The following GBP6 variants were observed in gnomAD, a reference collection of about 807,000 sequenced individuals.
GBP6 encodes guanylate-binding protein 6.
In GBP6, 54 loss-of-function variants were observed where a neutral mutation model predicts 61.5. The observed-to-expected ratio is 0.88, with a 90% CI of 0.71 to 1.10. The LOEUF is 1.10. GBP6 is among the 50% of genes least tolerant of loss of function. GBP6 has a pLI of 0.00. For missense variants in GBP6, 748 were observed against 752.8 expected (o/e 0.99, Z 0.07); for synonymous variants, 255 against 273.7 (o/e 0.93, Z 0.67).
chr1:89,377,266 C>G (rs1414538061), intron 3 of GBP6, among the ~76,000 whole-genome samples: 1 of 152,194 alleles, frequency 6.6e-6, no homozygotes, highest in Non-Finnish European at 1.5e-5. Context: ...TCTGCACTTA[C>G]CCTCTGCTCA....
rs1300466741 is a variant in GBP6 at position 89,386,498 on chromosome 1, C to T, written c.*1029C>T. 1 of 152,192 alleles carries T rather than the reference C, an allele frequency of 6.6e-6. No homozygotes were observed. The highest frequency in any genetic ancestry group is 1.9e-4 in the East Asian group (1 of 5,198). 9.4% of individuals were successfully genotyped at this position (152,192 alleles called of 1,614,324 possible). ...TCCTTGTTGCTTCTAGGAATTACAT[C>T]AGCCAGCCCAATGAGGGGTCTAAGA... On this transcript the variant is annotated 3_prime_UTR_variant, in exon 11 of 11. Transcript: ENST00000370456.
intron 3 of GBP6, among the ~76,000 whole-genome samples, chr1:89,375,719 G>A (rs1033653771): frequency 3.9e-5 from 6 of 151,974 alleles, no homozygotes; most frequent in East Asian, 1.9e-4. Flanking sequence ...TTTTCACTCC[G>A]CTGATTGTTT....
In GBP6 at chr1:89,382,679, A is replaced by T. The variant is rs1653011927; in HGVS notation, c.1168A>T (p.Lys390Ter). The T allele has an allele frequency of 6.2e-7, 1 of 1,613,894 alleles. No individual in the cohort carries two copies. The highest frequency in any genetic ancestry group is 1.1e-5 in the South Asian group (1 of 91,074). Residue 390 changes from lysine (K) to a stop codon, truncating the protein, a stop_gained, in exon 8 of 11, where the codon AAG (lysine) becomes TAG (stop). Coordinates refer to ENST00000370456, the MANE Select transcript of GBP6 (RefSeq NM_198460.3). LOFTEE classifies it high-confidence loss of function. Reference protein sequence around the residue: ...QKKFMETTMNKKGDFLLQNEE... With the variant: ...QKKFMETTMN ...TCCCTTGCAGGAAACCACAATGAAT[A>T]AGAAGGGGGATTTCTTGCTGCAGAA... is the stretch of plus-strand genomic sequence containing the variant.
In GBP6 at chr1:89,366,262, A is replaced by G. The variant is rs115474923; in HGVS notation, c.-24+2135A>G. Among the ~76,000 whole-genome samples the G allele has an allele frequency of 8.6e-3, 1,311 of 152,248 alleles. 19 individuals carry two copies. The highest frequency in any genetic ancestry group is 0.03 in the African/African-American group (1,243 of 41,546). On this transcript the variant is annotated intron_variant, in intron 1 of 10. Transcript: ENST00000370456. ...CAATATTATATGTATTGTTATTCTT[A>G]TTCTTTTTCTTATTCTTGTCTGTGG... is the stretch of plus-strand genomic sequence containing the variant.
intron 9 of GBP6, 78 bp downstream of exon 9, chr1:89,383,832 C>T: frequency 8.8e-7 from 1 of 1,138,704 alleles, no homozygotes; most frequent in South Asian, 1.4e-5. Context: ...GGAAAACCTT[C>T]CCAAAATGAG....
rs1653015990 is a variant in GBP6, at chr1:89,382,767, A to C, written c.1256A>C (p.Glu419Ala). The change falls in exon 8 of 11, where the codon GAA (glutamate) becomes GCA (alanine). Residue 419 changes from glutamate (E) to alanine (A), a missense_variant. By Grantham distance (107) the Glu-to-Ala change is moderately radical. Coordinates refer to ENST00000370456, the MANE Select transcript of GBP6 (RefSeq NM_198460.3). ...AATGAGCTCTCAAAGGGACTAATGG[A>C]AAGTATCTCAGCAGGAAGTTTCTCT... ...KLNELSKGLM[E>A]SISAGSFSVP... The C allele has an allele frequency of 6.2e-7, 1 of 1,613,952 alleles. No individual in the cohort carries two copies. The highest frequency in any genetic ancestry group is 1.3e-5 in the African/African-American group (1 of 74,942).
In GBP6 at chr1:89,382,700, C is replaced by T. The variant is rs1313945579; in HGVS notation, c.1189C>T (p.Gln397Ter). The part of the protein sequence containing the change: ...TMNKKGDFLL[Q>*]NEESSVQYCQ... Reference sequence around the variant, plus strand: ...GAATAAGAAGGGGGATTTCTTGCTGCAGAATGAAGAGTCATCTGTTCAATA... The same window carrying T: ...GAATAAGAAGGGGGATTTCTTGCTGTAGAATGAAGAGTCATCTGTTCAATA... The change falls in exon 8 of 11, where the codon CAG (glutamine) becomes TAG (stop). Residue 397 changes from glutamine (Q) to a stop codon, truncating the protein, a stop_gained. Coordinates refer to ENST00000370456, the MANE Select transcript of GBP6 (RefSeq NM_198460.3). LOFTEE classifies it high-confidence loss of function. 3.1e-6 allele frequency: 5 copies of T among 1,614,086 alleles called. No homozygotes were observed. The highest frequency in any genetic ancestry group is 3.4e-6 in the Non-Finnish European group (4 of 1,179,980).
At chr1:89,374,234 G>A (rs936197606) in intron 3 of GBP6, among the ~76,000 whole-genome samples, 1 of 152,134 alleles carries the variant, frequency 6.6e-6, no homozygotes, top group Admixed American at 6.6e-5. Flanking sequence ...GAACGGACTA[G>A]AGCAATGCAC....
In GBP6 at chr1:89,373,260, T is replaced by C. The variant is rs181144197; in HGVS notation, c.318+3587T>C. On this transcript the variant is annotated intron_variant, in intron 3 of 10. Transcript: ENST00000370456. ...ACCATTGTGGAAGACAGTGTGGCGA[T>C]TCCTCAAGGATCTAGAACTAGAAAT... is the stretch of plus-strand genomic sequence containing the variant. Among the ~76,000 whole-genome samples the C allele has an allele frequency of 8.5e-5, 13 of 152,338 alleles. No individual in the cohort carries two copies. In the East Asian group the frequency reaches 2.1e-3, roughly 25 times the overall value.
chr1:89,364,677 G>A, intron 1 of GBP6, among the ~76,000 whole-genome samples: 1 of 149,182 alleles, frequency 6.7e-6, no homozygotes, highest in South Asian at 2.1e-4. Context: ...TGGGGGAGGA[G>A]GGGGGTGTTA....
At chr1:89,370,766 C>A (rs1253153956) in intron 3 of GBP6, among the ~76,000 whole-genome samples, 4 of 152,142 alleles carry the variant, frequency 2.6e-5, no homozygotes, top group Non-Finnish European at 5.9e-5. Context: ...CACAATCCAG[C>A]CAATAATATA....
rs111988903 is a variant in GBP6, at chr1:89,383,507, C to A, written c.1366-145C>A. 1.3e-4 allele frequency: 79 copies of A among 614,026 alleles called. No homozygotes were observed. In the African/African-American group the frequency reaches 1.3e-3, roughly 10 times the overall value. 38.0% of individuals were successfully genotyped at this position (614,026 alleles called of 1,614,324 possible). Reference sequence around the variant, plus strand: ...GAATTGAGGAGGGGCTCTGGTCACCCTAAAGAGCCCGCACACTTTGTAGGG... The same window carrying A: ...GAATTGAGGAGGGGCTCTGGTCACCATAAAGAGCCCGCACACTTTGTAGGG... On this transcript the variant is annotated intron_variant, in intron 8 of 10. Coordinates refer to ENST00000370456, the MANE Select transcript of GBP6 (RefSeq NM_198460.3).
At chr1:89,376,960 G>A (rs1652826775) in intron 3 of GBP6, among the ~76,000 whole-genome samples, 1 of 152,084 alleles carries the variant, frequency 6.6e-6, no homozygotes, top group African/African-American at 2.4e-5. Context: ...CCACTTCTAA[G>A]AAGAATCCTC....
At chr1:89,376,303 G>C (rs1173356846) in intron 3 of GBP6, among the ~76,000 whole-genome samples, 4 of 152,072 alleles carry the variant, frequency 2.6e-5, no homozygotes, top group Non-Finnish European at 5.9e-5. Context: ...CATTTTCCTT[G>C]GATATATACA....
chr1:89,383,649 T>C lies in GBP6; in HGVS notation c.1366-3T>C, dbSNP rs1371679591. On this transcript the variant is annotated splice_region_variant and splice_polypyrimidine_tract_variant and intron_variant, in intron 8 of 10. Coordinates refer to ENST00000370456, the MANE Select transcript of GBP6 (RefSeq NM_198460.3). ...ATCTAAGTGCTTTTTCTTCCTTCCA[T>C]AGGCAAAAGAGGTCTTCCAGAGGTT... 3 of 1,594,960 alleles carry C rather than the reference T, an allele frequency of 1.9e-6. No individual in the cohort carries two copies. Among genetic ancestry groups the C allele is most frequent in the Non-Finnish European group, 2.6e-6 (3 of 1,171,996 alleles).
At chr1:89,374,834 A>G (rs1652760903) in intron 3 of GBP6, among the ~76,000 whole-genome samples, 1 of 152,110 alleles carries the variant, frequency 6.6e-6, no homozygotes, top group South Asian at 2.1e-4. Context: ...AACATATGTC[A>G]TGGGGGTTGG....
Position 89,386,708 on chromosome 1 carries a change from A to T in GBP6, c.*1239A>T, listed in dbSNP as rs1653154065. On this transcript the variant is annotated 3_prime_UTR_variant, in exon 11 of 11. Transcript: ENST00000370456. ...ATTCAAGTTTTAAGGTGTTAGAAGC[A>T]TAAATTACCAAACATTAAGATTAAG... 6.6e-6 allele frequency among the ~76,000 whole-genome samples: 1 copy of T among 152,250 alleles called. No homozygotes were observed. The highest frequency in any genetic ancestry group is 1.5e-5 in the Non-Finnish European group (1 of 68,054).
At chr1:89,367,427 G>A (rs1392109584) in intron 1 of GBP6, among the ~76,000 whole-genome samples, 1 of 152,132 alleles carries the variant, frequency 6.6e-6, no homozygotes, top group Non-Finnish European at 1.5e-5. Flanking sequence ...GATTAATGAT[G>A]TTGAGCATGT....
intron 6 of GBP6, 46 bp from the exon 7 acceptor site, chr1:89,381,648 G>A (rs371365432): frequency 2.3e-4 from 355 of 1,554,214 alleles, no homozygotes; most frequent in Non-Finnish European, 2.8e-4. Flanking sequence ...GGATCCCACT[G>A]AGCTTTAATT....
Sources: allele counts gnomAD v4.1 joint callset (sites outside exome capture counted in the v4.1 genomes callset), GRCh38; gene constraint gnomAD v4.1.1; transcripts MANE v1.5; gene names NCBI Gene and HGNC (gene_info 2026-07-23, HGNC 2026-07-21).